SSBP3: variants seen among roughly 807,000 people sequenced by gnomAD.
SSBP3 encodes single stranded DNA binding protein 3, also known as single-stranded DNA-binding protein 3.
SSBP3 carries 5 observed loss-of-function variants against 69.6 expected under a neutral mutation model. That is an observed-to-expected ratio of 0.07 (90% CI 0.04 to 0.15). The LOEUF is 0.15. SSBP3 is among the 10% of genes least tolerant of loss of function. The pLI, the probability that SSBP3 is intolerant of heterozygous loss-of-function variation, is 1.00. For synonymous variants in SSBP3, 196 were observed against 193.4 expected (o/e 1.01, Z -0.11); for missense variants, 312 against 534.0 (o/e 0.58, Z 4.10).
intron 4 of SSBP3, among the ~76,000 whole-genome samples, chr1:54,283,270 C>T (rs1163231518): frequency 1.9e-5 from 1 of 53,698 alleles, no homozygotes; most frequent in Non-Finnish European, 3.3e-5. Flanking sequence ...CTCCCCATCT[C>T]ATAAAAAAAA....
At chr1:54,386,161 C>T (rs1447032735) in intron 4 of SSBP3, among the ~76,000 whole-genome samples, 2 of 152,168 alleles carry the variant, frequency 1.3e-5, no homozygotes, top group Admixed American at 1.3e-4. Context: ...GGGTGGCTCT[C>T]CCTCAAGACA....
intron 4 of SSBP3, among the ~76,000 whole-genome samples, chr1:54,303,080 G>A (rs192055570): frequency 2.0e-5 from 3 of 152,314 alleles, no homozygotes; most frequent in African/African-American, 4.8e-5. Context: ...TAAAGTACAC[G>A]CTGTACAACA....
At chr1:54,338,222 T>C (rs2100503737) in intron 4 of SSBP3, among the ~76,000 whole-genome samples, 1 of 152,342 alleles carries the variant, frequency 6.6e-6, no homozygotes, top group Admixed American at 6.5e-5. Flanking sequence ...CCTACTGCAA[T>C]GGGGCTGCAT....
chr1:54,368,176 T>C (rs528510237), intron 4 of SSBP3, among the ~76,000 whole-genome samples: 1 of 149,864 alleles, frequency 6.7e-6, no homozygotes, highest in Admixed American at 6.8e-5. Context: ...TGCGCACCTG[T>C]AGTCCCAGCT....
At chr1:54,319,125 T>C (rs1321943108) in intron 4 of SSBP3, among the ~76,000 whole-genome samples, 3 of 152,168 alleles carry the variant, frequency 2.0e-5, no homozygotes, top group African/African-American at 7.2e-5. Flanking sequence ...GACCTGCAGG[T>C]GCTTCTACAT....
intron 4 of SSBP3, among the ~76,000 whole-genome samples, chr1:54,371,739 C>T (rs1040294566): frequency 6.6e-6 from 1 of 152,150 alleles, no homozygotes; most frequent in South Asian, 2.1e-4. Context: ...CACTGGGCAC[C>T]GTGCCCACGT....
intron 14 of SSBP3, chr1:54,238,075 CTT>C (rs1308842493): frequency 2.2e-6 from 1 of 452,674 alleles, no homozygotes; most frequent in South Asian, 1.6e-5. Flanking sequence ...GGATGTGGGG[CTT>C]TTTAGTGTTA....
At chr1:54,404,761 A>G in intron 2 of SSBP3, 97 bp downstream of exon 2, 1 of 1,037,022 alleles carries the variant, frequency 9.6e-7, no homozygotes, top group East Asian at 3.6e-5. Flanking sequence ...AAAATTCAAA[A>G]TGGTGGCCAC....
intron 9 of SSBP3, among the ~76,000 whole-genome samples, chr1:54,247,379 A>G (rs1468981928): frequency 6.6e-6 from 1 of 152,090 alleles, no homozygotes; most frequent in South Asian, 2.1e-4. Context: ...TGTCCCAGCC[A>G]TTTTCTGGGC....
chr1:54,378,692 T>C lies in SSBP3; in HGVS notation c.276+23169A>G, dbSNP rs574931586. Among the ~76,000 whole-genome samples the C allele has an allele frequency of 9.8e-5, 15 of 152,292 alleles. No homozygotes were observed. The South Asian group carries it at 2.9e-3, about 29-fold the overall frequency. ...CAGGCCTGCCCCTACTAGCTCCTTCTGTTGTTTCGAGGGGAGTGAGGCCCG... is the reference window on the plus strand; with the variant it reads ...CAGGCCTGCCCCTACTAGCTCCTTCCGTTGTTTCGAGGGGAGTGAGGCCCG... On this transcript the variant is annotated intron_variant, in intron 4 of 17. Coordinates refer to ENST00000610401, the Ensembl canonical transcript of SSBP3.
Position 54,363,092 on chromosome 1 carries a change from T to C in SSBP3, c.276+38769A>G, listed in dbSNP as rs373630933. Among the ~76,000 whole-genome samples, 5 of 152,162 alleles carry C rather than the reference T, an allele frequency of 3.3e-5. No individual in the cohort carries two copies. The East Asian group carries it at 9.6e-4, about 29-fold the overall frequency. On this transcript the variant is annotated intron_variant, in intron 4 of 17. Coordinates refer to ENST00000610401, the Ensembl canonical transcript of SSBP3. Reference sequence around the variant, plus strand: ...TAGAATGCTGTCTAGAGGTCATTCCTGGGATGAAAGGCACCAGGCATTAAG... The same window carrying C: ...TAGAATGCTGTCTAGAGGTCATTCCCGGGATGAAAGGCACCAGGCATTAAG...
chr1:54,230,630 CCATAACCT>C lies in SSBP3; in HGVS notation c.928-1812_928-1805del, dbSNP rs1247940675. 5.9e-5 allele frequency among the ~76,000 whole-genome samples: 9 copies of C among 152,268 alleles called. 1 individual carries two copies. The South Asian group carries it at 1.9e-3, about 32-fold the overall frequency. On this transcript the variant is annotated intron_variant, in intron 14 of 17. Transcript: ENST00000610401. ...TCACCACAACCAATTTTGAACGTTT[CCATAACCT>C]CAGAAAGAAATCCTGTACCCGACTG...
intron 4 of SSBP3, among the ~76,000 whole-genome samples, chr1:54,354,190 C>CT (rs1250707755): frequency 6.6e-6 from 1 of 152,242 alleles, no homozygotes; most frequent in Non-Finnish European, 1.5e-5. Flanking sequence ...ACAAGGCTGC[C>CT]TGTCTGCTCT....
chr1:54,388,276 T>C (rs925727964), intron 4 of SSBP3, among the ~76,000 whole-genome samples: 9 of 152,190 alleles, frequency 5.9e-5, no homozygotes, highest in Non-Finnish European at 1.0e-4. Flanking sequence ...AGAGTGGGGC[T>C]CTGGGTTCAA....
At chr1:54,248,815 C>G (rs1361374079) in intron 9 of SSBP3, among the ~76,000 whole-genome samples, 1 of 152,188 alleles carries the variant, frequency 6.6e-6, no homozygotes, top group East Asian at 1.9e-4. Flanking sequence ...AATACTCACC[C>G]TACCCAGAGG....
At chr1:54,402,040 C>G in intron 3 of SSBP3, 95 bp from the exon 4 acceptor site, 2 of 1,014,384 alleles carry the variant, frequency 2.0e-6, no homozygotes, top group South Asian at 1.5e-5. Context: ...AGTACTAGGT[C>G]TCCCAAAGGC....
At chr1:54,245,188 C>A (rs1644711768) in intron 9 of SSBP3, among the ~76,000 whole-genome samples, 1 of 152,230 alleles carries the variant, frequency 6.6e-6, no homozygotes, top group African/African-American at 2.4e-5. Flanking sequence ...GCATTCACTG[C>A]CCTTTACTGA....
chr1:54,376,015 G>C (rs940863658), intron 4 of SSBP3, among the ~76,000 whole-genome samples: 1 of 152,046 alleles, frequency 6.6e-6, no homozygotes. Flanking sequence ...AGGGAGGGAG[G>C]GGGAGGAAAG....
At chr1:54,390,361 G>A (rs951393809) in intron 4 of SSBP3, among the ~76,000 whole-genome samples, 5 of 151,900 alleles carry the variant, frequency 3.3e-5, no homozygotes, top group African/African-American at 9.7e-5. Flanking sequence ...CCAGGGACCC[G>A]CGGCAAACAT....
Sources: allele counts gnomAD v4.1 joint callset (sites outside exome capture counted in the v4.1 genomes callset), GRCh38; gene constraint gnomAD v4.1.1; transcripts MANE v1.5; gene names NCBI Gene and HGNC (gene_info 2026-07-23, HGNC 2026-07-21).